Variants in CLASP1 observed in about 807,000 individuals in gnomAD.
The protein encoded by CLASP1 is CLIP-associating protein 1.
Under a neutral mutation model 192.3 loss-of-function variants are expected in CLASP1, and 38 were observed. The observed-to-expected ratio is 0.20, with a 90% CI of 0.15 to 0.26. CLASP1 has a LOEUF of 0.26. Among genes scored for constraint, CLASP1 ranks in the 10% least tolerant of loss-of-function variants. The probability of loss-of-function intolerance (pLI) is 1.00; values close to 1 mark genes in which losing one functional copy is unlikely to be tolerated. For synonymous variants in CLASP1, 691 were observed against 712.8 expected (o/e 0.97, Z 0.49); for missense variants, 1,433 against 1,932.5 (o/e 0.74, Z 4.85).
chr2:121,427,306 C>T, intron 21 of CLASP1, 98 bp downstream of exon 21: 1 of 1,396,462 alleles, frequency 7.2e-7, no homozygotes, highest in Non-Finnish European at 9.8e-7. Flanking sequence ...ACTAAGCTTA[C>T]AATAAAGAGA....
At chr2:121,508,815 G>C (rs1267299165) in intron 7 of CLASP1, among the ~76,000 whole-genome samples, 2 of 152,140 alleles carry the variant, frequency 1.3e-5, no homozygotes, top group Non-Finnish European at 2.9e-5. Flanking sequence ...CATGCAAACA[G>C]TACACAAAAG....
At chr2:121,377,789 AC>A in intron 33 of CLASP1, 140 bp from the exon 35 acceptor site, 1 of 598,098 alleles carries the variant, frequency 1.7e-6, no homozygotes. Flanking sequence ...TGAAAAGGAG[AC>A]GTCTTTTGTT....
intron 32 of CLASP1, among the ~76,000 whole-genome samples, chr2:121,384,933 G>A (rs1232688827): frequency 1.3e-5 from 2 of 152,052 alleles, no homozygotes; most frequent in African/African-American, 4.8e-5. Context: ...ATTGGTAATA[G>A]CTTTTCCCCT....
intron 2 of CLASP1, among the ~76,000 whole-genome samples, chr2:121,545,342 CT>C (rs2095309415): frequency 6.6e-6 from 1 of 151,952 alleles, no homozygotes; most frequent in African/African-American, 2.4e-5. Context: ...TTTTGTTTTT[CT>C]TTTATTTGTT....
intron 1 of CLASP1, among the ~76,000 whole-genome samples, chr2:121,623,837 G>A (rs1576551305): frequency 1.3e-5 from 2 of 152,282 alleles, no homozygotes; most frequent in East Asian, 3.9e-4. Flanking sequence ...AACAGAGCAA[G>A]ACTCCATCTG....
intron 7 of CLASP1, among the ~76,000 whole-genome samples, chr2:121,508,594 G>A (rs1355790613): frequency 6.6e-6 from 1 of 152,100 alleles, no homozygotes; most frequent in Non-Finnish European, 1.5e-5. Context: ...CAACTTTATA[G>A]TGTCTACAAG....
intron 19 of CLASP1, among the ~76,000 whole-genome samples, chr2:121,438,207 T>C (rs1046398035): frequency 2.6e-5 from 4 of 152,184 alleles, no homozygotes; most frequent in Non-Finnish European, 4.4e-5. Flanking sequence ...GCAGGCACCC[T>C]TGGGGGCTAT....
intron 1 of CLASP1, among the ~76,000 whole-genome samples, chr2:121,613,577 T>C (rs190136952): frequency 6.6e-6 from 1 of 151,982 alleles, no homozygotes; most frequent in Non-Finnish European, 1.5e-5. Context: ...AGCTCTAGCA[T>C]GCATCAAATA....
chr2:121,546,600 A>C (rs1256294765), intron 2 of CLASP1, among the ~76,000 whole-genome samples: 3 of 152,014 alleles, frequency 2.0e-5, no homozygotes, highest in African/African-American at 7.2e-5. Flanking sequence ...AGACCTTTTT[A>C]CAACCCTCGG....
At position 121,578,179 on chromosome 2, in the gene CLASP1, C is replaced by G. The variant is rs181296031; in HGVS notation, c.195+27522G>C. ...AACTCATTAGCTCACGCAATCCGCC[C>G]ACCTCGGCATCCCAAAGTGCAAGGA... On this transcript the variant is annotated intron_variant, in intron 2 of 39. Transcript: ENST00000263710. Among the ~76,000 whole-genome samples, 492 of 152,048 alleles carry G rather than the reference C, an allele frequency of 3.2e-3. 4 individuals carry two copies. The highest frequency in any genetic ancestry group is 0.011 in the African/African-American group (465 of 41,478).
intron 24 of CLASP1, chr2:121,409,148 A>T (rs1295250868): frequency 2.1e-5 from 20 of 968,870 alleles, no homozygotes; most frequent in Non-Finnish European, 2.9e-5. Flanking sequence ...ACAGCAAAAC[A>T]TATCTTAGCA....
intron 8 of CLASP1, among the ~76,000 whole-genome samples, chr2:121,491,337 T>C (rs915029010): frequency 5.9e-5 from 9 of 152,244 alleles, no homozygotes; most frequent in South Asian, 2.1e-4. Flanking sequence ...ACCAAGATGA[T>C]AGTTTGTATC....
intron 25 of CLASP1, 66 bp downstream of exon 26, chr2:121,407,405 C>T: frequency 6.4e-7 from 1 of 1,572,274 alleles, no homozygotes; most frequent in African/African-American, 1.4e-5. Flanking sequence ...TAGGAAATCC[C>T]TTTAAACCCC....
chr2:121,589,630 C>CAAA (rs1280970890), intron 2 of CLASP1, among the ~76,000 whole-genome samples: 2 of 64,282 alleles, frequency 3.1e-5, no homozygotes. Flanking sequence ...AACTCTGTCT[C>CAAA]AAAAAAAAAA....
chr2:121,347,267 A>C, intron 38 of CLASP1, 113 bp from the exon 40 acceptor site: 1 of 717,542 alleles, frequency 1.4e-6, no homozygotes, highest in South Asian at 1.7e-5. Flanking sequence ...TGGACTTGTC[A>C]GTAACAACCA....
At chr2:121,406,197 T>A (rs1323093779) in intron 25 of CLASP1, among the ~76,000 whole-genome samples, 1 of 152,200 alleles carries the variant, frequency 6.6e-6, no homozygotes, top group Non-Finnish European at 1.5e-5. Flanking sequence ...TATGGTGCCT[T>A]AGATTTGACA....
chr2:121,377,490 G>C lies in CLASP1; in HGVS notation c.3642+9C>G. Reference sequence around the variant, plus strand: ...ATACAGAGTTCTCTTTTAGCCTAGGGATACTTACAATATCACACTCCTTTT... The same window carrying C: ...ATACAGAGTTCTCTTTTAGCCTAGGCATACTTACAATATCACACTCCTTTT... On this transcript the variant is annotated intron_variant, in intron 34 of 39. Transcript: ENST00000263710. 1 of 1,597,176 alleles carries C rather than the reference G, an allele frequency of 6.3e-7. No homozygotes were observed. The highest frequency in any genetic ancestry group is 8.5e-7 in the Non-Finnish European group (1 of 1,170,196).
chr2:121,373,365 T>C (rs2069196240), intron 34 of CLASP1, among the ~76,000 whole-genome samples: 1 of 152,202 alleles, frequency 6.6e-6, no homozygotes, highest in Non-Finnish European at 1.5e-5. Flanking sequence ...ACCTCTTTTC[T>C]TTATAAATTA....
intron 29 of CLASP1, 59 bp downstream of exon 30, chr2:121,398,263 A>T: frequency 7.7e-7 from 1 of 1,296,938 alleles, no homozygotes; most frequent in East Asian, 2.5e-5. Context: ...CATAAACAAA[A>T]GTAAATTTAA....
Sources: gnomAD v4.1 joint callset for allele counts (sites outside exome capture counted in the v4.1 genomes callset) on GRCh38, gnomAD v4.1.1 for gene constraint, MANE v1.5 for transcripts, NCBI Gene and HGNC (gene_info 2026-07-23, HGNC 2026-07-21) for gene names.